Variants in AGPS observed in about 807,000 individuals in gnomAD.
The protein encoded by AGPS is alkyldihydroxyacetonephosphate synthase, peroxisomal.
Under a neutral mutation model 90.7 loss-of-function variants are expected in AGPS, and 26 were observed. The observed-to-expected ratio is 0.29, with a 90% CI of 0.21 to 0.40. The LOEUF (loss-of-function observed/expected upper bound fraction) is 0.40. Among genes scored for constraint, AGPS ranks in the 10% least tolerant of loss-of-function variants. AGPS has a pLI of 1.00. For missense variants in AGPS, 540 were observed against 816.1 expected, an observed-to-expected ratio of 0.66 and a Z score of 4.12; for synonymous variants, 294 against 285.3, an observed-to-expected ratio of 1.03 and a Z score of -0.31.
rs530143421 is a variant in AGPS, at chr2:177,446,346, G to A, written c.870+720G>A. On this transcript the variant is annotated intron_variant, in intron 8 of 19. Transcript: ENST00000264167. Reference sequence around the variant, plus strand: ...TTTTTTGTATTTTTAGTAGGACGGCGTTTCACCGTGGTCTCGGATCTCCTG... The same window carrying A: ...TTTTTTGTATTTTTAGTAGGACGGCATTTCACCGTGGTCTCGGATCTCCTG... Among the ~76,000 whole-genome samples, 209 of 152,110 alleles carry A rather than the reference G, an allele frequency of 1.4e-3. 1 individual carries two copies. The highest frequency in any genetic ancestry group is 5.8e-3 in the South Asian group (28 of 4,808).
chr2:177,438,935 G>A (rs1485293769), intron 5 of AGPS, among the ~76,000 whole-genome samples: 1 of 151,864 alleles, frequency 6.6e-6, no homozygotes, highest in African/African-American at 2.4e-5. Context: ...AGAAATTTGA[G>A]GCAATGTGGT....
chr2:177,393,486 T>TG, intron 1 of AGPS: 3 of 985,362 alleles, frequency 3.0e-6, no homozygotes, highest in Non-Finnish European at 3.6e-6. Context: ...AAGCCTGCTG[T>TG]GGGGGAAACT....
intron 15 of AGPS, 83 bp from the exon 16 acceptor site, chr2:177,507,886 AC>A: frequency 1.0e-6 from 1 of 968,224 alleles, no homozygotes; most frequent in Middle Eastern, 2.2e-4. Context: ...TGTGATACTA[AC>A]AATGAATATG....
chr2:177,473,286 TAATCA>T (rs1281342332), intron 10 of AGPS, among the ~76,000 whole-genome samples: 1 of 152,200 alleles, frequency 6.6e-6, no homozygotes, highest in African/African-American at 2.4e-5. Context: ...AAAAGATTCA[TAATCA>T]AATGCCTGCT....
intron 19 of AGPS, among the ~76,000 whole-genome samples, chr2:177,525,417 G>A (rs1479402020): frequency 2.0e-5 from 3 of 152,108 alleles, no homozygotes; most frequent in Admixed American, 6.6e-5. Flanking sequence ...AAATGATTTA[G>A]CCATAATTAC....
chr2:177,474,330 ACGT>A (rs1369004373), intron 10 of AGPS, among the ~76,000 whole-genome samples: 5 of 152,212 alleles, frequency 3.3e-5, no homozygotes, highest in Admixed American at 1.3e-4. Context: ...CCATGCAGAC[ACGT>A]TGAAAGGTGA....
At chr2:177,450,964 A>ATATATATATATATG in intron 8 of AGPS, among the ~76,000 whole-genome samples, 7 of 123,762 alleles carry the variant, frequency 5.7e-5, no homozygotes, top group African/African-American at 2.6e-4. Context: ...CATGTCTTTC[A>ATATATATATATATG]TATATATATA....
chr2:177,413,971 C>G (rs1187312299), intron 1 of AGPS, among the ~76,000 whole-genome samples: 1 of 152,082 alleles, frequency 6.6e-6, no homozygotes, highest in Non-Finnish European at 1.5e-5. Flanking sequence ...GAATGGCACC[C>G]CAAGAACCTG....
intron 1 of AGPS, among the ~76,000 whole-genome samples, chr2:177,397,469 GT>G (rs1395102119): frequency 0.014 from 1,977 of 137,408 alleles, 39 homozygotes; most frequent in African/African-American, 0.046. Context: ...ATTTTTTTCA[GT>G]TTTTTTTTTT....
intron 8 of AGPS, among the ~76,000 whole-genome samples, chr2:177,450,975 T>TATATATATATATA (rs1434749270): frequency 4.4e-5 from 6 of 136,578 alleles, no homozygotes; most frequent in African/African-American, 1.4e-4. Context: ...TATATATATA[T>TATATATATATATA]TTTAGAGACA....
chr2:177,446,593 C>T lies in AGPS; in HGVS notation c.870+967C>T, dbSNP rs192018049. Among the ~76,000 whole-genome samples, 464 of 152,236 alleles carry T rather than the reference C, an allele frequency of 3.0e-3. 3 individuals carry two copies. Among genetic ancestry groups the T allele is most frequent in the African/African-American group, 0.011 (444 of 41,526 alleles). On this transcript the variant is annotated intron_variant, in intron 8 of 19. Coordinates refer to ENST00000264167, the MANE Select transcript of AGPS (RefSeq NM_003659.4). ...CCAGGAAAACATGAAGAGTTCAGAT[C>T]ATAAAGGGCCTTATAAAGCCCCTTT... is the stretch of plus-strand genomic sequence containing the variant.
Position 177,480,603 on chromosome 2 carries a change from G to A in AGPS, c.1106-1456G>A, listed in dbSNP as rs1006856044. ...TGGCGGGGGGAAGTGGGGAGGGATA[G>A]CATTAGGAGATATACCTAATGTAAA... On this transcript the variant is annotated intron_variant, in intron 10 of 19. Transcript: ENST00000264167. 5.9e-4 allele frequency among the ~76,000 whole-genome samples: 90 copies of A among 152,224 alleles called. No homozygotes were observed. The Middle Eastern group carries it at 0.01, about 17-fold the overall frequency.
At position 177,539,683 on chromosome 2, in the gene AGPS, A is replaced by G. The variant is rs2079214966; in HGVS notation, c.*1488A>G. The G allele has an allele frequency of 1.3e-5, 2 of 152,122 alleles. No individual in the cohort carries two copies. The highest frequency in any genetic ancestry group is 2.1e-4 in the South Asian group (1 of 4,832). The allele number at this position is 152,122 out of a possible 1,614,324, so 9.4% of individuals were successfully genotyped here. A position where few individuals can be genotyped will look rare whatever the true frequency, so the allele number is the denominator to read the frequency against. On this transcript the variant is annotated 3_prime_UTR_variant, in exon 20 of 20. Transcript: ENST00000264167. Reference sequence around the variant, plus strand: ...GAAAAATGGTAATTTAAAATTGACAAAATGATATTTTTAAGACTTCAAAAT... The same window carrying G: ...GAAAAATGGTAATTTAAAATTGACAGAATGATATTTTTAAGACTTCAAAAT...
chr2:177,512,030 A>AT (rs528860257), intron 16 of AGPS, among the ~76,000 whole-genome samples: 76 of 152,138 alleles, frequency 5.0e-4, no homozygotes, highest in African/African-American at 1.8e-3. Flanking sequence ...GTATTCTTAG[A>AT]TTTTTTTTAG....
chr2:177,427,978 T>A (rs1309336496), intron 2 of AGPS, among the ~76,000 whole-genome samples: 1 of 152,164 alleles, frequency 6.6e-6, no homozygotes, highest in African/African-American at 2.4e-5. Context: ...TTTGTAGGTC[T>A]CTAATAATTT....
At chr2:177,438,306 C>T (rs1686479160) in intron 5 of AGPS, among the ~76,000 whole-genome samples, 1 of 152,026 alleles carries the variant, frequency 6.6e-6, no homozygotes, top group East Asian at 1.9e-4. Flanking sequence ...CTGTAGTCCC[C>T]GTTACTCAGA....
intron 5 of AGPS, 114 bp downstream of exon 5, chr2:177,437,168 A>G (rs1335372579): frequency 9.8e-7 from 1 of 1,017,686 alleles, no homozygotes; most frequent in African/African-American, 1.6e-5. Flanking sequence ...AAATTGCTGT[A>G]TTTTTAAGAG....
At chr2:177,421,375 AT>A (rs1280731877) in intron 2 of AGPS, among the ~76,000 whole-genome samples, 1 of 152,088 alleles carries the variant, frequency 6.6e-6, no homozygotes, top group Non-Finnish European at 1.5e-5. Flanking sequence ...ATATTAAAAT[AT>A]CAGCAAAGTA....
intron 17 of AGPS, among the ~76,000 whole-genome samples, chr2:177,515,715 CAT>C (rs768019867): frequency 6.6e-6 from 1 of 152,080 alleles, no homozygotes; most frequent in Non-Finnish European, 1.5e-5. Flanking sequence ...CTGAATTGGC[CAT>C]ATGTCATTTT....
Sources: allele counts gnomAD v4.1 joint callset (sites outside exome capture counted in the v4.1 genomes callset), GRCh38; gene constraint gnomAD v4.1.1; transcripts MANE v1.5; gene names NCBI Gene and HGNC (gene_info 2026-07-23, HGNC 2026-07-21).